Variants in BAZ2B observed in about 807,000 individuals in gnomAD.
BAZ2B encodes the protein bromodomain adjacent to zinc finger domain protein 2B.
A neutral mutation model predicts 246.0 loss-of-function variants in BAZ2B; 91 were observed. The observed-to-expected ratio is 0.37, with a 90% CI of 0.31 to 0.44. BAZ2B has a LOEUF of 0.44. Among genes scored for constraint, BAZ2B ranks in the 20% least tolerant of loss-of-function variants. BAZ2B has a pLI of 1.00. For missense variants in BAZ2B, 2,332 were observed against 2,533.7 expected (o/e 0.92, Z 1.71); for synonymous variants, 855 against 860.0 (o/e 0.99, Z 0.10).
intron 31 of BAZ2B, among the ~76,000 whole-genome samples, 176 bp downstream of exon 31, chr2:159,347,310 C>T (rs2068038000): frequency 6.6e-6 from 1 of 151,038 alleles, no homozygotes; most frequent in Non-Finnish European, 1.5e-5. Flanking sequence ...TGGCACATTA[C>T]TTACTCTGAG....
At chr2:159,414,384 C>T (rs1326476972) in intron 13 of BAZ2B, among the ~76,000 whole-genome samples, 3 of 151,658 alleles carry the variant, frequency 2.0e-5, no homozygotes, top group Non-Finnish European at 2.9e-5. Flanking sequence ...CTACAATCAA[C>T]AATAATTTAT....
At chr2:159,364,978 T>C in intron 27 of BAZ2B, among the ~76,000 whole-genome samples, 1 of 152,198 alleles carries the variant, frequency 6.6e-6, no homozygotes, top group East Asian at 1.9e-4. Flanking sequence ...GAGACTCTGA[T>C]GGCATGTGTT....
chr2:159,468,733 AT>A (rs2077391967), intron 3 of BAZ2B, among the ~76,000 whole-genome samples: 1 of 152,096 alleles, frequency 6.6e-6, no homozygotes, highest in African/African-American at 2.4e-5. Context: ...TAGATAAACG[AT>A]CTAAGCTTCC....
chr2:159,367,714 T>C (rs911422668), intron 27 of BAZ2B, among the ~76,000 whole-genome samples: 1 of 151,822 alleles, frequency 6.6e-6, no homozygotes. Context: ...TGAAACCCCA[T>C]CTCTACTAAA....
intron 2 of BAZ2B, among the ~76,000 whole-genome samples, chr2:159,503,355 T>C (rs1052642368): frequency 7.2e-5 from 11 of 152,184 alleles, no homozygotes; most frequent in African/African-American, 2.4e-4. Flanking sequence ...GCTATGTTTT[T>C]AGTGCATGAT....
chr2:159,705,495 T>G, the BAZ2B span, among the ~76,000 whole-genome samples: 7 of 152,370 alleles, frequency 4.6e-5, no homozygotes, highest in African/African-American at 1.7e-4. Flanking sequence ...ATATTCAGCA[T>G]AAATTTAAAA....
the BAZ2B span, among the ~76,000 whole-genome samples, chr2:159,707,103 A>C: frequency 1.3e-5 from 2 of 152,186 alleles, no homozygotes; most frequent in East Asian, 3.8e-4. Flanking sequence ...TCTCTGGAGA[A>C]CCCTAATATA....
chr2:159,377,402 G>A (rs1302311578), intron 25 of BAZ2B, among the ~76,000 whole-genome samples: 1 of 152,064 alleles, frequency 6.6e-6, no homozygotes, highest in African/African-American at 2.4e-5. Context: ...GACTTATTAG[G>A]TCCTAATATT....
chr2:159,425,741 AT>A (rs2069714899), intron 13 of BAZ2B, among the ~76,000 whole-genome samples: 2 of 152,192 alleles, frequency 1.3e-5, no homozygotes. Flanking sequence ...GTCACACTAT[AT>A]TTTACATCTT....
At chr2:159,712,066 T>C in the BAZ2B span, 2 of 139,326 alleles carry the variant, frequency 1.4e-5, no homozygotes, top group African/African-American at 5.4e-5. Context: ...CAACATTCAC[T>C]GCGCCACTTA....
the BAZ2B span, among the ~76,000 whole-genome samples, chr2:159,621,699 T>C: frequency 6.6e-6 from 1 of 152,196 alleles, no homozygotes; most frequent in East Asian, 1.9e-4. Flanking sequence ...AGGCCACACA[T>C]GGTAGTTCAT....
At chr2:159,516,027 A>T (rs984765362) in intron 2 of BAZ2B, among the ~76,000 whole-genome samples, 4 of 152,094 alleles carry the variant, frequency 2.6e-5, no homozygotes, top group African/African-American at 9.7e-5. Context: ...TAATAAAGCT[A>T]ATTTCTTTAA....
chr2:159,652,644 C>T, the BAZ2B span, among the ~76,000 whole-genome samples: 1 of 152,056 alleles, frequency 6.6e-6, no homozygotes, highest in Non-Finnish European at 1.5e-5. Flanking sequence ...GTATCTTGCT[C>T]TATTGCCCAA....
At chr2:159,690,152 G>A in the BAZ2B span, 9 of 477,746 alleles carry the variant, frequency 1.9e-5, no homozygotes, top group South Asian at 4.5e-5. Flanking sequence ...ATCAGATGCA[G>A]TTTTGGTTCC....
At chr2:159,566,733 AATCTAG>A (rs1445294177) in intron 1 of BAZ2B, among the ~76,000 whole-genome samples, 1 of 152,232 alleles carries the variant, frequency 6.6e-6, no homozygotes, top group Non-Finnish European at 1.5e-5. Context: ...TGTGTAAATT[AATCTAG>A]ATAAGTTACT....
chr2:159,625,440 A>G, the BAZ2B span, among the ~76,000 whole-genome samples: 12 of 152,250 alleles, frequency 7.9e-5, no homozygotes, highest in African/African-American at 2.9e-4. Flanking sequence ...AGGTCGGGTT[A>G]CCCACAAAGG....
intron 3 of BAZ2B, chr2:159,462,930 T>TG (rs1237539778): frequency 1.1e-5 from 15 of 1,414,960 alleles, no homozygotes; most frequent in African/African-American, 7.1e-5. Context: ...TTGTTTTGGC[T>TG]GGGGGTCACT....
intron 1 of BAZ2B, among the ~76,000 whole-genome samples, chr2:159,558,403 T>C (rs1446648348): frequency 6.6e-6 from 1 of 152,100 alleles, no homozygotes; most frequent in Non-Finnish European, 1.5e-5. Flanking sequence ...ATTACAGGCA[T>C]GCGCCACCAT....
intron 25 of BAZ2B, among the ~76,000 whole-genome samples, chr2:159,381,888 T>C (rs1483263052): frequency 1.3e-5 from 2 of 152,180 alleles, no homozygotes; most frequent in African/African-American, 4.8e-5. Context: ...GGAACACTCT[T>C]CCCTAGACCT....
Sources: gnomAD v4.1 joint callset for allele counts (sites outside exome capture counted in the v4.1 genomes callset) on GRCh38, gnomAD v4.1.1 for gene constraint, MANE v1.5 for transcripts, NCBI Gene and HGNC (gene_info 2026-07-23, HGNC 2026-07-21) for gene names.